Variants in ACAD10 observed in about 807,000 individuals in gnomAD.
The protein encoded by ACAD10 is ACAD-10.
ACAD10 carries 112 observed loss-of-function variants against 116.8 expected under a neutral mutation model. The ratio of observed to expected loss-of-function variants is 0.96; its 90% confidence interval spans 0.82 to 1.12. ACAD10 has a LOEUF of 1.12. Ranked by LOEUF, ACAD10 falls within the 50% of genes most tolerant of loss-of-function variation. The probability of loss-of-function intolerance (pLI) is 0.00; values close to 1 mark genes in which losing one functional copy is unlikely to be tolerated. For synonymous variants in ACAD10, 486 were observed against 510.6 expected (o/e 0.95, Z 0.65); for missense variants, 1,259 against 1,350.2 (o/e 0.93, Z 1.06).
intron 2 of ACAD10, among the ~76,000 whole-genome samples, chr12:111,699,359 T>C (rs1186858268): frequency 6.6e-6 from 1 of 152,134 alleles, no homozygotes; most frequent in Non-Finnish European, 1.5e-5. Flanking sequence ...GAGCATAAAA[T>C]ACAGATAAAA....
At chr12:111,732,761 C>T (rs924435331) in intron 10 of ACAD10, among the ~76,000 whole-genome samples, 3 of 152,280 alleles carry the variant, frequency 2.0e-5, no homozygotes, top group East Asian at 1.9e-4. Flanking sequence ...TGAAGAACAG[C>T]GTGGAGTCCC....
chr12:111,701,879 T>C (rs1022690911), intron 2 of ACAD10, among the ~76,000 whole-genome samples: 1 of 152,162 alleles, frequency 6.6e-6, no homozygotes, highest in Non-Finnish European at 1.5e-5. Flanking sequence ...GAATATGAGA[T>C]CAAGGAATAA....
chr12:111,747,600 C>G, intron 16 of ACAD10: 1 of 1,378,358 alleles, frequency 7.3e-7, no homozygotes, highest in Non-Finnish European at 9.4e-7. Flanking sequence ...CAGGGACGTC[C>G]CCCGGTGCCC....
intron 2 of ACAD10, among the ~76,000 whole-genome samples, chr12:111,698,922 C>T (rs1888270915): frequency 6.6e-6 from 1 of 152,174 alleles, no homozygotes; most frequent in Non-Finnish European, 1.5e-5. Flanking sequence ...CTCTGCCACT[C>T]AGGCTAAAGT....
chr12:111,707,164 A>G (rs1247372663), intron 4 of ACAD10, among the ~76,000 whole-genome samples: 4 of 150,638 alleles, frequency 2.7e-5, no homozygotes, highest in Admixed American at 2.0e-4. Flanking sequence ...ATCTCAGCTC[A>G]TTGCATCCTC....
intron 7 of ACAD10, among the ~76,000 whole-genome samples, chr12:111,721,357 C>T (rs1346888261): frequency 6.6e-6 from 1 of 152,130 alleles, no homozygotes; most frequent in Admixed American, 6.6e-5. Context: ...CACCTGAGGT[C>T]AGGAATTTGA....
At chr12:111,743,003 A>G (rs1387483945) in intron 12 of ACAD10, among the ~76,000 whole-genome samples, 2 of 152,150 alleles carry the variant, frequency 1.3e-5, no homozygotes, top group African/African-American at 2.4e-5. Flanking sequence ...CAAAGCACCC[A>G]GCCTAAAATG....
Position 111,709,537 on chromosome 12 carries a change from C to T in ACAD10, c.543C>T (p.Ser181=), listed in dbSNP as rs1476636577. The T allele has an allele frequency of 1.9e-6, 3 of 1,596,106 alleles. No homozygotes were observed. Among genetic ancestry groups the T allele is most frequent in the Non-Finnish European group, 2.6e-6 (3 of 1,173,446 alleles). The change falls in exon 5 of 21, where the codon TCC becomes TCT. Residue 181 remains serine (S), a synonymous_variant. Transcript: ENST00000313698. ...TGTCCCTCCATCAGATTGTGGAGTC[C>T]TGCATGGAAGGGATCTGTAAGCCAG... ...DRKQFDVIVE[S]CMEGICKPDP...
chr12:111,701,225 A>G (rs751181622), intron 2 of ACAD10, among the ~76,000 whole-genome samples: 5 of 152,214 alleles, frequency 3.3e-5, no homozygotes, highest in Non-Finnish European at 7.3e-5. Context: ...TTGTATGTAT[A>G]TATTTGCCCC....
Position 111,747,075 on chromosome 12 carries a change from G to A in ACAD10, c.2283G>A (p.Thr761=), listed in dbSNP as rs141019211. The A allele has an allele frequency of 4.0e-5, 64 of 1,610,080 alleles. No individual in the cohort carries two copies. Among genetic ancestry groups the A allele is most frequent in the Admixed American group, 5.0e-5 (3 of 59,606 alleles). Residue 761 remains threonine (T), a synonymous_variant, in exon 15 of 21, where the codon ACG becomes ACA. Coordinates refer to ENST00000313698, the MANE Select transcript of ACAD10 (RefSeq NM_025247.6). Reference sequence around the variant, plus strand: ...TATGTAACTGCTCTGCGCCTGACACGGGCAACATGGAGCTGCTGGTGAGGT... The same window carrying A: ...TATGTAACTGCTCTGCGCCTGACACAGGCAACATGGAGCTGCTGGTGAGGT... ...PEVCNCSAPD[T]GNMELLVRYG...
At chr12:111,723,134 GGGC>G (rs1210002625) in intron 8 of ACAD10, among the ~76,000 whole-genome samples, 2 of 146,564 alleles carry the variant, frequency 1.4e-5, no homozygotes, top group Non-Finnish European at 3.0e-5. Flanking sequence ...GCGGCTAGCC[GGGC>G]GGGGGGCTGA....
At chr12:111,756,307 G>C in intron 20 of ACAD10, 26 bp from the exon 21 acceptor site, 1 of 1,560,350 alleles carries the variant, frequency 6.4e-7, no homozygotes, top group Non-Finnish European at 8.6e-7. Flanking sequence ...ACCCAGGGCC[G>C]CCTCCCTCCA....
In ACAD10 at chr12:111,715,839, A is replaced by G; in HGVS notation, c.869A>G (p.Gln290Arg). Residue 290 changes from glutamine to arginine, a missense_variant, in exon 7 of 21, where the codon CAG becomes CGG. Coordinates refer to ENST00000313698, the MANE Select transcript of ACAD10 (RefSeq NM_025247.6). ...CTTGCAGGCCCATTGGAACTACTTC[A>G]GTTTGATCACGGGCAGTCAAATCCA... ...IQTTGPLELL[Q>R]FDHGQSNPTY... is the part of the protein sequence containing the mutation. 6.2e-7 allele frequency: 1 copy of G among 1,614,178 alleles called. No individual in the cohort carries two copies. The highest frequency in any genetic ancestry group is 8.5e-7 in the Non-Finnish European group (1 of 1,180,024).
intron 4 of ACAD10, among the ~76,000 whole-genome samples, chr12:111,706,145 C>G (rs1009766690): frequency 6.6e-6 from 1 of 152,204 alleles, no homozygotes; most frequent in Non-Finnish European, 1.5e-5. Flanking sequence ...CATTTGATTA[C>G]TGGTTGACAC....
chr12:111,754,475 G>A (rs1027932154), intron 19 of ACAD10, among the ~76,000 whole-genome samples: 2 of 152,102 alleles, frequency 1.3e-5, no homozygotes, highest in East Asian at 3.9e-4. Flanking sequence ...TGTAGAGACC[G>A]GCTCTCACCA....
intron 2 of ACAD10, among the ~76,000 whole-genome samples, chr12:111,701,183 T>G (rs758388765): frequency 9.2e-5 from 14 of 152,144 alleles, no homozygotes; most frequent in Non-Finnish European, 1.3e-4. Context: ...ATATGTAAAG[T>G]GTATTTTGTC....
chr12:111,712,578 G>A lies in ACAD10; in HGVS notation c.771G>A (p.Arg257=), dbSNP rs764750512. The change falls in exon 6 of 21, where the codon CGG becomes CGA. Residue 257 remains arginine, a synonymous_variant. Transcript: ENST00000313698. ...FTLRVGVPNT[R]PVKKTMEIPK... ...TGAGAGTAGGTGTTCCAAACACTCG[G>A]CCTGTGAAAAAGACGATGGAAATTC... 1.2e-6 allele frequency: 2 copies of A among 1,614,100 alleles called. No homozygotes were observed. The highest frequency in any genetic ancestry group is 1.1e-5 in the South Asian group (1 of 91,082).
Position 111,755,758 on chromosome 12 carries a change from CA to C in ACAD10, c.3039+14del. 6.2e-7 allele frequency: 1 copy of C among 1,612,860 alleles called. No homozygotes were observed. On this transcript the variant is annotated intron_variant, in intron 20 of 20. Coordinates refer to ENST00000313698, the MANE Select transcript of ACAD10 (RefSeq NM_025247.6). ...TCGTGCGATTCAGGTGAGCACAGACCAGACAGTTGGCTTATTTGAACCATCA... is the reference window on the plus strand; with the variant it reads ...TCGTGCGATTCAGGTGAGCACAGACCGACAGTTGGCTTATTTGAACCATCA...
intron 2 of ACAD10, among the ~76,000 whole-genome samples, chr12:111,701,101 A>G (rs895919450): frequency 3.9e-5 from 6 of 152,104 alleles, no homozygotes; most frequent in Non-Finnish European, 5.9e-5. Context: ...ATTGTCTGAA[A>G]AATTTTCAAT....
Sources: allele counts gnomAD v4.1 joint callset (sites outside exome capture counted in the v4.1 genomes callset), GRCh38; gene constraint gnomAD v4.1.1; transcripts MANE v1.5; gene names NCBI Gene and HGNC (gene_info 2026-07-23, HGNC 2026-07-21).